Variants in SATB2 observed in about 807,000 individuals in gnomAD.
SATB2 encodes SATB homeobox 2.
A neutral mutation model predicts 73.4 loss-of-function variants in SATB2; 1 was observed. The ratio of observed to expected loss-of-function variants is 0.01; its 90% CI spans 0.00 to 0.06. The LOEUF (loss-of-function observed/expected upper bound fraction) is 0.06, where lower values mean the gene tolerates loss of function less well. SATB2 is among the 10% of genes least tolerant of loss of function. SATB2 has a pLI of 1.00. For missense variants in SATB2, 459 were observed against 945.8 expected (o/e 0.49, Z 6.75); for synonymous variants, 397 against 367.0 (o/e 1.08, Z -0.93).
At chr2:199,384,017 T>A (rs764889999) in intron 3 of SATB2, among the ~76,000 whole-genome samples, 1 of 152,202 alleles carries the variant, frequency 6.6e-6, no homozygotes, top group Non-Finnish European at 1.5e-5. Flanking sequence ...TTAATATGCA[T>A]ACATTTTTGT....
In SATB2 at chr2:199,277,717, A is replaced by G. The variant is rs185751720; in HGVS notation, c.1741-5045T>C. Among the ~76,000 whole-genome samples the G allele has an allele frequency of 2.6e-4, 39 of 152,334 alleles. No homozygotes were observed. The East Asian group carries it at 7.5e-3, about 29-fold the overall frequency. On this transcript the variant is annotated intron_variant, in intron 10 of 10. Transcript: ENST00000417098. ...CTTTAATAACAATAATAATAGTAGTAATAGGTGCTACCATTCATATAAAGC... is the reference window on the plus strand; with the variant it reads ...CTTTAATAACAATAATAATAGTAGTGATAGGTGCTACCATTCATATAAAGC...
intron 10 of SATB2, among the ~76,000 whole-genome samples, chr2:199,278,469 A>G (rs957537786): frequency 6.6e-6 from 1 of 152,190 alleles, no homozygotes; most frequent in Non-Finnish European, 1.5e-5. Context: ...TTCCCTTAGC[A>G]CAGAAAGTAC....
chr2:199,348,985 G>T lies in SATB2; in HGVS notation c.889C>A (p.Leu297Ile). ...TGTGGACTAAGCTGGGGAGAAAGAAGACCAGGGCTCATGATGGGCTGTAAT... is the reference window on the plus strand; with the variant it reads ...TGTGGACTAAGCTGGGGAGAAAGAATACCAGGGCTCATGATGGGCTGTAAT... ...PALQPIMSPG[L>I]LSPQLSPQLV... is the part of the protein sequence containing the mutation. The change falls in exon 7 of 11, where the codon CTT becomes ATT. Residue 297 changes from leucine (L) to isoleucine (I), a missense_variant. Transcript: ENST00000417098. 2 of 1,614,182 alleles carry T rather than the reference G, an allele frequency of 1.2e-6. No homozygotes were observed. Among genetic ancestry groups the T allele is most frequent in the Non-Finnish European group, 1.7e-6 (2 of 1,180,016 alleles).
At chr2:199,296,575 C>T (rs1465233915) in intron 10 of SATB2, among the ~76,000 whole-genome samples, 2 of 152,006 alleles carry the variant, frequency 1.3e-5, no homozygotes, top group African/African-American at 4.8e-5. Context: ...TCCTGTAGTC[C>T]CAGCTACCTT....
intron 10 of SATB2, among the ~76,000 whole-genome samples, chr2:199,289,934 C>T (rs1397672101): frequency 1.3e-5 from 2 of 152,228 alleles, no homozygotes; most frequent in African/African-American, 2.4e-5. Flanking sequence ...ATTACTCTGA[C>T]TTCCTCCCAA....
At chr2:199,340,405 A>C (rs1487511674) in intron 7 of SATB2, among the ~76,000 whole-genome samples, 2 of 152,242 alleles carry the variant, frequency 1.3e-5, no homozygotes, top group Non-Finnish European at 2.9e-5. Flanking sequence ...GTAACTCTAC[A>C]ACTTTTTCAA....
intron 3 of SATB2, among the ~76,000 whole-genome samples, chr2:199,430,477 C>T (rs1691469010): frequency 6.6e-6 from 1 of 152,160 alleles, no homozygotes; most frequent in Non-Finnish European, 1.5e-5. Context: ...CCTTGAGAAT[C>T]AGAGTTAACA....
intron 3 of SATB2, among the ~76,000 whole-genome samples, chr2:199,408,582 G>GT (rs1294297980): frequency 6.6e-6 from 1 of 150,536 alleles, no homozygotes; most frequent in Non-Finnish European, 1.5e-5. Flanking sequence ...CATTGAAAGG[G>GT]TAAAAACCGC....
At chr2:199,345,887 A>G (rs1481316068) in intron 7 of SATB2, among the ~76,000 whole-genome samples, 1 of 152,192 alleles carries the variant, frequency 6.6e-6, no homozygotes, top group African/African-American at 2.4e-5. Context: ...CTTGGCACTC[A>G]AGGCCTTTTT....
intron 10 of SATB2, among the ~76,000 whole-genome samples, chr2:199,296,349 A>T (rs1369568704): frequency 6.6e-6 from 1 of 152,190 alleles, no homozygotes; most frequent in Non-Finnish European, 1.5e-5. Context: ...TGTTTTAGAT[A>T]AAAGGGGTCT....
chr2:199,426,650 C>T (rs1225968277), intron 3 of SATB2, among the ~76,000 whole-genome samples: 2 of 140,032 alleles, frequency 1.4e-5, no homozygotes, highest in Non-Finnish European at 3.0e-5. Context: ...CATGAAAAAC[C>T]TTTTGACTCC....
Position 199,272,296 on chromosome 2 carries a change from C to G in SATB2, c.2117G>C (p.Gly706Ala). 1 of 1,614,204 alleles carries G rather than the reference C, an allele frequency of 6.2e-7. No individual in the cohort carries two copies. The highest frequency in any genetic ancestry group is 8.5e-7 in the Non-Finnish European group (1 of 1,180,026). The change falls in exon 11 of 11, where the codon GGC (glycine) becomes GCC (alanine). Residue 706 changes from glycine (G) to alanine (A), a missense_variant. Gly to Ala is a moderately conservative substitution (Grantham distance 60). Transcript: ENST00000417098. The surrounding 1 kb of genome is among the most constrained non-coding windows in gnomAD (Gnocchi z 6.7). ...TESEENDSEE[G>A]SEEMYKVEAE... The stretch of plus-strand genomic sequence containing the variant: ...CTCCACTTTGTACATCTCCTCGGAG[C>G]CTTCCTCGCTGTCGTTCTCCTCTGA...
At chr2:199,324,061 C>T in intron 8 of SATB2, 103 bp from the exon 9 acceptor site, 1 of 1,178,680 alleles carries the variant, frequency 8.5e-7, no homozygotes, top group Non-Finnish European at 1.3e-6. Context: ...TGCCAAACTG[C>T]ATTAGCTACA....
intron 3 of SATB2, among the ~76,000 whole-genome samples, chr2:199,421,533 G>A (rs1691169630): frequency 6.6e-6 from 1 of 152,092 alleles, no homozygotes; most frequent in African/African-American, 2.4e-5. Context: ...GCTAACAAAT[G>A]GACAAACTGT....
At chr2:199,437,993 C>T (rs1310560937) in intron 2 of SATB2, among the ~76,000 whole-genome samples, 1 of 152,072 alleles carries the variant, frequency 6.6e-6, no homozygotes, top group Non-Finnish European at 1.5e-5. Context: ...ACTACCTGTC[C>T]ATCACAGTAG....
intron 9 of SATB2, among the ~76,000 whole-genome samples, chr2:199,309,252 C>G (rs1687526712): frequency 6.6e-6 from 1 of 152,186 alleles, no homozygotes; most frequent in Non-Finnish European, 1.5e-5. Flanking sequence ...CATCTGTTCT[C>G]AGAAAAAGTA....
chr2:199,415,878 G>C (rs996836684), intron 3 of SATB2, among the ~76,000 whole-genome samples: 2 of 152,172 alleles, frequency 1.3e-5, no homozygotes, highest in Non-Finnish European at 2.9e-5. Flanking sequence ...TCCAGGGCCA[G>C]TAACACTCCA....
intron 2 of SATB2, among the ~76,000 whole-genome samples, chr2:199,454,438 A>T (rs1023403066): frequency 6.6e-6 from 1 of 152,188 alleles, no homozygotes; most frequent in African/African-American, 2.4e-5. Context: ...ATATGCATAT[A>T]CTAACTGATT....
intron 6 of SATB2, among the ~76,000 whole-genome samples, chr2:199,355,023 G>A (rs2105831802): frequency 6.6e-6 from 1 of 151,976 alleles, no homozygotes; most frequent in Admixed American, 6.6e-5. Context: ...CAATTAAAAG[G>A]TATTTGGTCC....
Sources: allele counts gnomAD v4.1 joint callset (sites outside exome capture counted in the v4.1 genomes callset), GRCh38; gene constraint gnomAD v4.1.1; non-coding constraint Gnocchi (gnomAD v3.1); transcripts MANE v1.5; gene names NCBI Gene and HGNC (gene_info 2026-07-23, HGNC 2026-07-21).